The following GOLM2 variants were observed in gnomAD, a reference collection of about 807,000 sequenced individuals.
GOLM2 encodes the protein protein GOLM2.
In GOLM2, 26 loss-of-function variants were observed where a neutral mutation model predicts 55.9. That is an observed-to-expected ratio of 0.47 (90% CI 0.34 to 0.65). The LOEUF (loss-of-function observed/expected upper bound fraction) is 0.65. GOLM2 is among the 30% of genes least tolerant of loss of function. The pLI, the probability that GOLM2 is intolerant of heterozygous loss-of-function variation, is 0.01. For missense variants in GOLM2, 486 were observed against 531.8 expected (o/e 0.91, Z 0.85); for synonymous variants, 165 against 194.6 (o/e 0.85, Z 1.27).
chr15:44,306,805 C>T (rs892756207), intron 1 of GOLM2, among the ~76,000 whole-genome samples: 1 of 152,088 alleles, frequency 6.6e-6, no homozygotes, highest in African/African-American at 2.4e-5. Flanking sequence ...TGGTAACTCC[C>T]GTTATCGTCT....
intron 1 of GOLM2, among the ~76,000 whole-genome samples, chr15:44,312,121 T>C (rs2141121373): frequency 6.6e-6 from 1 of 152,316 alleles, no homozygotes; most frequent in South Asian, 2.1e-4. Context: ...CAGCCCTATG[T>C]ATTCTTTACT....
At chr15:44,403,273 C>T (rs1258182936) in intron 9 of GOLM2, among the ~76,000 whole-genome samples, 1 of 152,160 alleles carries the variant, frequency 6.6e-6, no homozygotes, top group Non-Finnish European at 1.5e-5. Context: ...AGCGATTCTC[C>T]TGCCTCAGCC....
chr15:44,319,621 C>CAGGAG (rs2078935725), intron 1 of GOLM2, among the ~76,000 whole-genome samples: 1 of 152,112 alleles, frequency 6.6e-6, no homozygotes, highest in East Asian at 1.9e-4. Flanking sequence ...GGGTCTCGCT[C>CAGGAG]TGCCACCTAG....
At position 44,380,938 on chromosome 15, in the gene GOLM2, C is replaced by G. The variant is rs771621341; in HGVS notation, c.1034C>G (p.Thr345Ser). 1.3e-5 allele frequency: 20 copies of G among 1,590,830 alleles called. No individual in the cohort carries two copies. The South Asian group carries it at 2.3e-4, about 19-fold the overall frequency. The change falls in exon 8 of 10, where the codon ACC (threonine) becomes AGC (serine). Residue 345 changes from threonine (T) to serine (S), a missense_variant. Coordinates refer to ENST00000299957, the MANE Select transcript of GOLM2 (RefSeq NM_138423.4). ...CAAACAGATATACTAAAGCAGGCTACCAAGGACAGAGTCAGTGATTTCCAT... is the reference window on the plus strand; with the variant it reads ...CAAACAGATATACTAAAGCAGGCTAGCAAGGACAGAGTCAGTGATTTCCAT... ...RIQTDILKQA[T>S]KDRVSDFHKL...
At chr15:44,303,699 A>G (rs1001333744) in intron 1 of GOLM2, among the ~76,000 whole-genome samples, 2 of 150,820 alleles carry the variant, frequency 1.3e-5, no homozygotes, top group Non-Finnish European at 3.0e-5. Flanking sequence ...TGGAGCAGCT[A>G]GGACTACAAA....
intron 1 of GOLM2, among the ~76,000 whole-genome samples, chr15:44,301,358 T>C (rs568572373): frequency 6.6e-6 from 1 of 152,354 alleles, no homozygotes; most frequent in South Asian, 2.1e-4. Context: ...TTTATCTTGG[T>C]TATCCTATCA....
rs1254661623 is a variant in GOLM2 at position 44,348,595 on chromosome 15, G to C, written c.802+10278G>C. ...ACCTGCTGGGGGAATTTGCCACCCT[G>C]AAAGGAAGGACACAAGCCCAGCTGG... On this transcript the variant is annotated intron_variant, in intron 6 of 9. Transcript: ENST00000299957. 2.6e-5 allele frequency: 4 copies of C among 152,250 alleles called. No homozygotes were observed. The East Asian group carries it at 7.7e-4, about 29-fold the overall frequency. 9.4% of individuals were successfully genotyped at this position (152,250 alleles called of 1,614,324 possible).
At chr15:44,394,396 G>C (rs913824426) in intron 8 of GOLM2, among the ~76,000 whole-genome samples, 2 of 152,188 alleles carry the variant, frequency 1.3e-5, no homozygotes, top group Non-Finnish European at 1.5e-5. Flanking sequence ...GATAGTATAG[G>C]TTTGCCTTGG....
intron 1 of GOLM2, among the ~76,000 whole-genome samples, chr15:44,315,129 A>G (rs576855214): frequency 1.3e-5 from 2 of 152,290 alleles, no homozygotes; most frequent in Non-Finnish European, 2.9e-5. Flanking sequence ...GAAGTAGAAT[A>G]TGTCTTTTTT....
At chr15:44,337,972 A>G (rs2079068800) in intron 5 of GOLM2, 65 bp downstream of exon 5, 1 of 1,408,128 alleles carries the variant, frequency 7.1e-7, no homozygotes, top group African/African-American at 1.5e-5. Flanking sequence ...CCCATTTTGA[A>G]GTGGATATTT....
chr15:44,373,425 C>A (rs1022317020), intron 6 of GOLM2, among the ~76,000 whole-genome samples: 1 of 149,708 alleles, frequency 6.7e-6, no homozygotes, highest in Non-Finnish European at 1.5e-5. Flanking sequence ...CCACTGCACT[C>A]CAGCCTGGGC....
intron 8 of GOLM2, among the ~76,000 whole-genome samples, chr15:44,398,922 C>CCCCGTAATTATCTGCTG: frequency 6.6e-6 from 1 of 152,062 alleles, no homozygotes. Context: ...CCCACCTCGG[C>CCCCGTAATTATCTGCTG]CTCCCAAAAT....
intron 1 of GOLM2, among the ~76,000 whole-genome samples, chr15:44,314,897 A>C (rs2078898528): frequency 6.6e-6 from 1 of 152,256 alleles, no homozygotes; most frequent in Admixed American, 6.5e-5. Context: ...TGTGAGAATT[A>C]AATGAGATAA....
chr15:44,323,022 A>G lies in GOLM2; in HGVS notation c.382+3A>G. 1 of 1,563,388 alleles carries G rather than the reference A, an allele frequency of 6.4e-7. No individual in the cohort carries two copies. The highest frequency in any genetic ancestry group is 1.4e-5 in the African/African-American group (1 of 72,660). On this transcript the variant is annotated splice_donor_region_variant and intron_variant, in intron 2 of 9. Transcript: ENST00000299957. The stretch of plus-strand genomic sequence containing the variant: ...GGCAGACATACATCATTTAAAGGGT[A>G]AGAACCTTAATTCCAGATTAAAGAT...
rs550304181 is a variant in GOLM2, at chr15:44,294,867, C to G, written c.327+5511C>G. 4.2e-3 allele frequency among the ~76,000 whole-genome samples: 635 copies of G among 151,374 alleles called. 6 individuals carry two copies. Among genetic ancestry groups the G allele is most frequent in the Non-Finnish European group, 5.8e-3 (393 of 67,852 alleles). ...CAAGATTGTGCCACTGCACTCCAGCCTGGGCAACAGAGTAAGACTCTGTCT... is the reference window on the plus strand; with the variant it reads ...CAAGATTGTGCCACTGCACTCCAGCGTGGGCAACAGAGTAAGACTCTGTCT... On this transcript the variant is annotated intron_variant, in intron 1 of 9. Coordinates refer to ENST00000299957, the MANE Select transcript of GOLM2 (RefSeq NM_138423.4).
rs930375844 is a variant in GOLM2, at chr15:44,288,866, C to A, written c.-164C>A. The A allele has an allele frequency of 3.2e-6, 2 of 633,418 alleles. No individual in the cohort carries two copies. The highest frequency in any genetic ancestry group is 3.7e-5 in the African/African-American group (2 of 53,472). 39.2% of individuals were successfully genotyped at this position (633,418 alleles called of 1,614,324 possible). On this transcript the variant is annotated 5_prime_UTR_variant, in exon 1 of 10. Coordinates refer to ENST00000299957, the MANE Select transcript of GOLM2 (RefSeq NM_138423.4). ...GAGGGGGGCGGGGAGGGACCTGCGG[C>A]TTGCGGCCCCGCCCCCTTCTCCGGC...
chr15:44,312,895 A>T (rs1325143573), intron 1 of GOLM2, among the ~76,000 whole-genome samples: 1 of 152,008 alleles, frequency 6.6e-6, no homozygotes, highest in Non-Finnish European at 1.5e-5. Flanking sequence ...CTTGGCCAAC[A>T]TGGTGAAACC....
chr15:44,390,093 T>C (rs1351687542), intron 8 of GOLM2: 2 of 152,240 alleles, frequency 1.3e-5, no homozygotes, highest in African/African-American at 4.8e-5. Context: ...AATTTAATTT[T>C]GTATTACCAC....
intron 1 of GOLM2, among the ~76,000 whole-genome samples, chr15:44,294,069 C>A (rs2078739263): frequency 6.6e-6 from 1 of 152,170 alleles, no homozygotes; most frequent in African/African-American, 2.4e-5. Flanking sequence ...AGAGCTCCTT[C>A]ATTAACTCCT....
Sources: gnomAD v4.1 joint callset for allele counts (sites outside exome capture counted in the v4.1 genomes callset) on GRCh38, gnomAD v4.1.1 for gene constraint, MANE v1.5 for transcripts, NCBI Gene and HGNC (gene_info 2026-07-23, HGNC 2026-07-21) for gene names.